TOX2: variants seen among roughly 807,000 people sequenced by gnomAD.
TOX2 encodes the protein granulosa cell HMG box 1.
Under a neutral mutation model 47.4 loss-of-function variants are expected in TOX2, and 15 were observed. The observed-to-expected ratio is 0.32, with a 90% CI of 0.21 to 0.49. The LOEUF is 0.49. Among genes scored for constraint, TOX2 ranks in the 20% least tolerant of loss-of-function variants. The pLI is 0.99. For missense variants in TOX2, 622 were observed against 673.1 expected (o/e 0.92, Z 0.84); for synonymous variants, 290 against 296.6 (o/e 0.98, Z 0.23).
At chr20:43,987,363 G>A (rs950966052) in intron 2 of TOX2, among the ~76,000 whole-genome samples, 2 of 152,178 alleles carry the variant, frequency 1.3e-5, no homozygotes, top group African/African-American at 2.4e-5. Flanking sequence ...TTACCCTAGA[G>A]GGGGGTGGGG....
chr20:44,064,179 TG>T (rs1314573275), intron 5 of TOX2, among the ~76,000 whole-genome samples: 2 of 152,316 alleles, frequency 1.3e-5, no homozygotes, highest in African/African-American at 4.8e-5. Context: ...GTGATCACTT[TG>T]TCAGTCTCTG....
At chr20:44,038,945 C>A in intron 3 of TOX2, 1 of 1,183,524 alleles carries the variant, frequency 8.4e-7, no homozygotes, top group Non-Finnish European at 1.1e-6. Context: ...GTTCCTGCTG[C>A]CTCCGTGTCT....
intron 5 of TOX2, among the ~76,000 whole-genome samples, chr20:44,058,606 A>G (rs2071663893): frequency 6.6e-6 from 1 of 152,216 alleles, no homozygotes; most frequent in Non-Finnish European, 1.5e-5. Flanking sequence ...AAACCAGTGC[A>G]CTTAAAAATA....
chr20:43,951,970 C>T (rs1489639573), intron 1 of TOX2, among the ~76,000 whole-genome samples: 1 of 151,826 alleles, frequency 6.6e-6, no homozygotes, highest in African/African-American at 2.4e-5. Context: ...GATCTTGGCT[C>T]ACTGCAACCT....
intron 4 of TOX2, among the ~76,000 whole-genome samples, chr20:44,053,435 TA>T (rs1270195712): frequency 3.1e-5 from 2 of 64,988 alleles, no homozygotes; most frequent in Non-Finnish European, 3.4e-5. Context: ...GGAGGGCAGA[TA>T]TATACACACA....
chr20:44,050,374 C>T (rs1018056271), intron 3 of TOX2, among the ~76,000 whole-genome samples: 1 of 152,090 alleles, frequency 6.6e-6, no homozygotes, highest in Non-Finnish European at 1.5e-5. Context: ...AAACTGAAAA[C>T]CTGTTTGCTT....
intron 5 of TOX2, among the ~76,000 whole-genome samples, chr20:44,061,107 G>T (rs1313918184): frequency 6.6e-6 from 1 of 152,088 alleles, no homozygotes; most frequent in Non-Finnish European, 1.5e-5. Flanking sequence ...GATCATTTAA[G>T]ACTACTATGA....
intron 1 of TOX2, chr20:43,955,173 T>C: frequency 1.1e-6 from 1 of 909,566 alleles, no homozygotes; most frequent in Non-Finnish European, 1.3e-6. Context: ...CCACTGAAGC[T>C]ATGGCATAAT....
rs1186695407 is a variant in TOX2, at chr20:44,065,995, C to A, written c.1244C>A (p.Ala415Asp). ...QLSLPPHAQGALLSPPVSMSP... is the reference protein window; with the variant it reads ...QLSLPPHAQGDLLSPPVSMSP... ...TCACTGCCCCCTCACGCCCAGGGCG[C>A]CCTCCTCAGTCCACCTGTTAGCATG... The change falls in exon 7 of 9, where the codon GCC (alanine) becomes GAC (aspartate). Residue 415 changes from alanine (A) to aspartate (D), a missense_variant. Around this residue, in one of 3 missense-constraint regions of TOX2, gnomAD observed 294 missense variants for 300.0 expected, o/e 0.98. Transcript: ENST00000341197. 6.2e-7 allele frequency: 1 copy of A among 1,612,972 alleles called. No individual in the cohort carries two copies. The highest frequency in any genetic ancestry group is 2.2e-5 in the East Asian group (1 of 44,880).
At chr20:43,927,594 T>TTCCC (rs2069186177) in intron 1 of TOX2, among the ~76,000 whole-genome samples, 1 of 3,804 alleles carries the variant, frequency 2.6e-4, no homozygotes, top group Non-Finnish European at 1.0e-3. Flanking sequence ...GTTAATTTCC[T>TTCCC]TCCTTCCTTC....
chr20:44,039,114 C>A, intron 3 of TOX2: 1 of 1,272,380 alleles, frequency 7.9e-7, no homozygotes, highest in Non-Finnish European at 1.0e-6. Flanking sequence ...TGTCTCTGCA[C>A]TTGAGCAGAT....
At position 44,006,711 on chromosome 20, in the gene TOX2, T is replaced by C. The variant is rs532596166; in HGVS notation, c.330T>C (p.Tyr110=). 9 of 1,614,060 alleles carry C rather than the reference T, an allele frequency of 5.6e-6. No individual in the cohort carries two copies. The South Asian group carries it at 9.9e-5, about 18-fold the overall frequency. ...ACGGTCTGCTCCCTGCCTACTCCTA[T>C]CAGGCCATGGACCTCCCAGCCATCA... ...TPNGLLPAYS[Y]QAMDLPAIMV... The change falls in exon 3 of 9, where the codon TAT becomes TAC. Residue 110 remains tyrosine (Y), a synonymous_variant. Coordinates refer to ENST00000341197, the MANE Select transcript of TOX2 (RefSeq NM_001098797.2).
intron 1 of TOX2, among the ~76,000 whole-genome samples, chr20:43,937,245 A>G (rs1295619317): frequency 6.6e-6 from 1 of 152,142 alleles, no homozygotes; most frequent in Non-Finnish European, 1.5e-5. Flanking sequence ...ACTCCAAGAA[A>G]GTGCCAGTTT....
intron 1 of TOX2, among the ~76,000 whole-genome samples, chr20:43,919,030 C>T (rs186085457): frequency 1.1e-3 from 162 of 152,326 alleles, no homozygotes; most frequent in Non-Finnish European, 1.9e-3. Flanking sequence ...CATCCTTCGT[C>T]CCTGGACTGA....
intron 1 of TOX2, among the ~76,000 whole-genome samples, chr20:43,960,242 C>A (rs1446504309): frequency 6.6e-6 from 1 of 152,156 alleles, no homozygotes; most frequent in African/African-American, 2.4e-5. Flanking sequence ...TCACCCTAGT[C>A]CCTCCTCAGA....
intron 2 of TOX2, among the ~76,000 whole-genome samples, chr20:43,987,082 G>T (rs547567571): frequency 7.9e-5 from 12 of 152,154 alleles, no homozygotes; most frequent in African/African-American, 2.9e-4. Context: ...GTTTATAGGA[G>T]TGTTTTTCAT....
At chr20:44,035,660 T>C (rs1054495150) in intron 3 of TOX2, among the ~76,000 whole-genome samples, 1 of 152,048 alleles carries the variant, frequency 6.6e-6, no homozygotes, top group East Asian at 1.9e-4. Context: ...GGCTGATGCG[T>C]GGGGAGAGGC....
At chr20:44,059,144 G>T (rs1240615209) in intron 5 of TOX2, among the ~76,000 whole-genome samples, 2 of 152,074 alleles carry the variant, frequency 1.3e-5, no homozygotes, top group Non-Finnish European at 1.5e-5. Flanking sequence ...GCATATGAAT[G>T]GAAAAATCTC....
intron 3 of TOX2, among the ~76,000 whole-genome samples, chr20:44,029,806 A>G (rs1042217589): frequency 2.0e-5 from 3 of 152,002 alleles, no homozygotes; most frequent in Admixed American, 6.6e-5. Context: ...CTGGCTGTCT[A>G]TATTTCCTCC....
Sources: gnomAD v4.1 joint callset for allele counts (sites outside exome capture counted in the v4.1 genomes callset) on GRCh38, gnomAD v4.1.1 for gene constraint, gnomAD v4.1.1 regional missense constraint, MANE v1.5 for transcripts, NCBI Gene and HGNC (gene_info 2026-07-23, HGNC 2026-07-21) for gene names.